Variants in NDUFS4 observed in about 807,000 individuals in gnomAD.
NDUFS4 encodes NADH dehydrogenase [ubiquinone] iron-sulfur protein 4, mitochondrial.
Under a neutral mutation model 24.3 loss-of-function variants are expected in NDUFS4, and 28 were observed. That is an observed-to-expected ratio of 1.15 (90% confidence interval 0.85 to 1.58). NDUFS4 has a LOEUF of 1.58. NDUFS4 is among the 40% of genes most tolerant of loss of function. The pLI is 0.00. For synonymous variants in NDUFS4, 93 were observed against 69.7 expected, an observed-to-expected ratio of 1.34 and a Z score of -1.67; for missense variants, 223 against 207.9, an observed-to-expected ratio of 1.07 and a Z score of -0.45.
At chr5:53,630,355 T>C (rs1480634171) in intron 2 of NDUFS4, among the ~76,000 whole-genome samples, 1 of 152,116 alleles carries the variant, frequency 6.6e-6, no homozygotes, top group Non-Finnish European at 1.5e-5. Flanking sequence ...CGATTATGTG[T>C]CTTGGGGTCG....
rs375708255 is a variant in NDUFS4 at position 53,646,995 on chromosome 5, C to G, written c.350+590C>G. 5.9e-5 allele frequency among the ~76,000 whole-genome samples: 9 copies of G among 151,806 alleles called. No individual in the cohort carries two copies. The South Asian group carries it at 1.0e-3, about 18-fold the overall frequency. ...AGATAAGGGGGAATACTGTTTTATC[C>G]AAGATACTGTAAGAATGGTGTTTAT... is the stretch of plus-strand genomic sequence containing the variant. On this transcript the variant is annotated intron_variant, in intron 3 of 4. Coordinates refer to ENST00000296684, the MANE Select transcript of NDUFS4 (RefSeq NM_002495.4).
intron 2 of NDUFS4, among the ~76,000 whole-genome samples, chr5:53,622,974 A>G (rs1216369608): frequency 6.6e-6 from 1 of 152,142 alleles, no homozygotes. Flanking sequence ...AAGGCTCTAC[A>G]TAATAGTTCC....
chr5:53,601,306 C>G (rs1193313244), intron 1 of NDUFS4, among the ~76,000 whole-genome samples: 1 of 152,032 alleles, frequency 6.6e-6, no homozygotes, highest in Non-Finnish European at 1.5e-5. Flanking sequence ...CCCGGCTACA[C>G]ATGTTTACAA....
chr5:53,667,969 A>G (rs1482223572), intron 4 of NDUFS4, among the ~76,000 whole-genome samples: 1 of 152,200 alleles, frequency 6.6e-6, no homozygotes, highest in Non-Finnish European at 1.5e-5. Flanking sequence ...CATATGCTGT[A>G]TAGGGGGAAA....
At chr5:53,627,175 A>G (rs1227398353) in intron 2 of NDUFS4, among the ~76,000 whole-genome samples, 1 of 152,178 alleles carries the variant, frequency 6.6e-6, no homozygotes, top group Non-Finnish European at 1.5e-5. Flanking sequence ...AGGTTTGTCA[A>G]AGATCAGATG....
chr5:53,658,801 A>C (rs1561391477), intron 4 of NDUFS4, 177 bp downstream of exon 4: 2 of 588,434 alleles, frequency 3.4e-6, no homozygotes, highest in African/African-American at 3.8e-5. Flanking sequence ...AAAAAAAAAA[A>C]AAACCTAAAT....
At chr5:53,652,715 T>G (rs1447397282) in intron 3 of NDUFS4, among the ~76,000 whole-genome samples, 1 of 152,218 alleles carries the variant, frequency 6.6e-6, no homozygotes, top group African/African-American at 2.4e-5. Context: ...GCTTTTCTTA[T>G]GCTCTTTTAA....
chr5:53,590,750 A>G (rs1259488112), intron 1 of NDUFS4, among the ~76,000 whole-genome samples: 2 of 152,198 alleles, frequency 1.3e-5, no homozygotes, highest in Admixed American at 1.3e-4. Context: ...TTCACAAGGC[A>G]TGCTCTTTTT....
At chr5:53,623,765 C>G (rs889975606) in intron 2 of NDUFS4, among the ~76,000 whole-genome samples, 3 of 152,106 alleles carry the variant, frequency 2.0e-5, no homozygotes, top group African/African-American at 7.2e-5. Context: ...GTCACCCAGG[C>G]TAGAGTGCAG....
chr5:53,623,210 G>A (rs1751105703), intron 2 of NDUFS4, among the ~76,000 whole-genome samples: 1 of 152,102 alleles, frequency 6.6e-6, no homozygotes, highest in Admixed American at 6.6e-5. Flanking sequence ...TTCCATATTG[G>A]CTGCACCATT....
intron 2 of NDUFS4, among the ~76,000 whole-genome samples, chr5:53,625,935 G>A (rs770634117): frequency 2.6e-5 from 4 of 151,988 alleles, no homozygotes; most frequent in East Asian, 1.9e-4. Context: ...TGTGCACAAC[G>A]TGCAGGTCTG....
intron 4 of NDUFS4, among the ~76,000 whole-genome samples, chr5:53,666,560 A>G (rs753574849): frequency 1.3e-5 from 2 of 152,242 alleles, no homozygotes; most frequent in Non-Finnish European, 2.9e-5. Context: ...GGTCACTGCT[A>G]TGTGCCTAGC....
intron 4 of NDUFS4, among the ~76,000 whole-genome samples, chr5:53,677,488 C>T (rs1441115078): frequency 1.3e-5 from 2 of 152,122 alleles, no homozygotes; most frequent in Admixed American, 1.3e-4. Flanking sequence ...GATACTTTTA[C>T]ATTATTCTGA....
chr5:53,621,677 A>C (rs1182303989), intron 2 of NDUFS4, among the ~76,000 whole-genome samples: 1 of 149,646 alleles, frequency 6.7e-6, no homozygotes, highest in Non-Finnish European at 1.5e-5. Context: ...ATTTGTTATA[A>C]ACCTCATAGT....
chr5:53,638,460 G>C (rs1751617615), intron 2 of NDUFS4, among the ~76,000 whole-genome samples: 1 of 152,064 alleles, frequency 6.6e-6, no homozygotes, highest in African/African-American at 2.4e-5. Flanking sequence ...GGCAAACACA[G>C]AAAACTACAT....
intron 4 of NDUFS4, among the ~76,000 whole-genome samples, chr5:53,664,942 T>C (rs1752469028): frequency 6.6e-6 from 1 of 152,210 alleles, no homozygotes; most frequent in Non-Finnish European, 1.5e-5. Flanking sequence ...CTCTGTTTTT[T>C]CCCCATCTTT....
intron 3 of NDUFS4, among the ~76,000 whole-genome samples, chr5:53,654,833 CATTGT>C (rs1752118304): frequency 6.6e-6 from 1 of 152,144 alleles, no homozygotes; most frequent in African/African-American, 2.4e-5. Context: ...CTAATTTTTA[CATTGT>C]ATTGATACTT....
chr5:53,601,028 G>A (rs868730283), intron 1 of NDUFS4, among the ~76,000 whole-genome samples: 5 of 140,874 alleles, frequency 3.5e-5, no homozygotes, highest in Non-Finnish European at 6.1e-5. Flanking sequence ...TTTTTGAGAC[G>A]GAGTCTTGCT....
intron 2 of NDUFS4, among the ~76,000 whole-genome samples, chr5:53,633,886 A>G (rs1174347284): frequency 6.6e-6 from 1 of 152,204 alleles, no homozygotes; most frequent in African/African-American, 2.4e-5. Context: ...TCACATTTAC[A>G]AAACTGAAAC....
Sources: gnomAD v4.1 joint callset for allele counts (sites outside exome capture counted in the v4.1 genomes callset) on GRCh38, gnomAD v4.1.1 for gene constraint, MANE v1.5 for transcripts, NCBI Gene and HGNC (gene_info 2026-07-23, HGNC 2026-07-21) for gene names.